Variants in EYS observed in about 807,000 individuals in gnomAD.
EYS encodes EGF-like photoreceptor maintenance factor.
A neutral mutation model predicts 282.1 loss-of-function variants in EYS; 250 were observed. That is an observed-to-expected ratio of 0.89 (90% CI 0.80 to 0.98). EYS has a LOEUF of 0.98. Ranked by LOEUF, EYS falls within the 50% of genes least tolerant of loss-of-function variation. The pLI is 0.00. For synonymous variants in EYS, 1,355 were observed against 1,282.9 expected, an observed-to-expected ratio of 1.06 and a Z score of -1.20; for missense variants, 4,016 against 3,709.0, an observed-to-expected ratio of 1.08 and a Z score of -2.15.
At chr6:64,850,077 G>T (rs574440871) in intron 19 of EYS, among the ~76,000 whole-genome samples, 1 of 151,896 alleles carries the variant, frequency 6.6e-6, no homozygotes, top group Non-Finnish European at 1.5e-5. Flanking sequence ...AAAAAATTGA[G>T]ATTAATTATA....
chr6:65,249,964 A>T (rs1767279671), intron 12 of EYS, among the ~76,000 whole-genome samples: 1 of 152,076 alleles, frequency 6.6e-6, no homozygotes, highest in South Asian at 2.1e-4. Flanking sequence ...ATACCAGAAG[A>T]TTGTGCAGAA....
chr6:64,178,255 C>A (rs1293347221), intron 31 of EYS, among the ~76,000 whole-genome samples: 1 of 151,966 alleles, frequency 6.6e-6, no homozygotes, highest in African/African-American at 2.4e-5. Flanking sequence ...AAAATAAAAA[C>A]AAAATTAGGG....
intron 33 of EYS, among the ~76,000 whole-genome samples, chr6:64,039,621 CT>C (rs1770288991): frequency 6.6e-6 from 1 of 151,834 alleles, no homozygotes; most frequent in South Asian, 2.1e-4. Context: ...GTGCTGCAGT[CT>C]TAAAATTTAT....
intron 12 of EYS, among the ~76,000 whole-genome samples, chr6:65,165,777 A>C (rs1413304976): frequency 6.6e-6 from 1 of 151,170 alleles, no homozygotes; most frequent in Non-Finnish European, 1.5e-5. Context: ...AAGGGACATT[A>C]AAACTATCTC....
chr6:64,218,775 C>A (rs558329767), intron 31 of EYS, among the ~76,000 whole-genome samples: 1 of 152,184 alleles, frequency 6.6e-6, no homozygotes, highest in East Asian at 1.9e-4. Flanking sequence ...GAGTAGCCGG[C>A]AAAGTTATTG....
chr6:64,662,918 T>C (rs1229523209), intron 22 of EYS, among the ~76,000 whole-genome samples: 1 of 152,176 alleles, frequency 6.6e-6, no homozygotes, highest in Non-Finnish European at 1.5e-5. Context: ...ATTACTGCTC[T>C]AGACCTTTTC....
chr6:65,186,480 T>G (rs1487955473), intron 12 of EYS, among the ~76,000 whole-genome samples: 1 of 151,716 alleles, frequency 6.6e-6, no homozygotes, highest in African/African-American at 2.4e-5. Flanking sequence ...AACTACATAT[T>G]TGTCACTAAG....
intron 41 of EYS, among the ~76,000 whole-genome samples, chr6:63,730,574 C>T (rs1038699297): frequency 2.6e-5 from 4 of 152,210 alleles, no homozygotes; most frequent in Non-Finnish European, 1.5e-5. Flanking sequence ...GAACAATCTA[C>T]ATGGAAATAT....
chr6:63,890,167 C>G (rs570763177), intron 35 of EYS, among the ~76,000 whole-genome samples: 1 of 151,890 alleles, frequency 6.6e-6, no homozygotes, highest in South Asian at 2.1e-4. Context: ...TAATAGCCCA[C>G]TGTCAATATT....
intron 12 of EYS, among the ~76,000 whole-genome samples, chr6:65,082,515 G>C (rs1347196420): frequency 1.3e-5 from 2 of 152,020 alleles, no homozygotes; most frequent in African/African-American, 2.4e-5. Flanking sequence ...TCAGGTTGCT[G>C]TTTTAGCAAA....
At chr6:64,749,064 T>C (rs1335639780) in intron 22 of EYS, among the ~76,000 whole-genome samples, 1 of 152,232 alleles carries the variant, frequency 6.6e-6, no homozygotes, top group Non-Finnish European at 1.5e-5. Flanking sequence ...TGAGCCACCA[T>C]GCCTGGCCTA....
chr6:64,080,533 T>G (rs546092343), intron 32 of EYS, among the ~76,000 whole-genome samples: 3 of 152,310 alleles, frequency 2.0e-5, no homozygotes, highest in East Asian at 3.9e-4. Flanking sequence ...GGTAGTTTCT[T>G]TTGCTGTGCA....
intron 30 of EYS, among the ~76,000 whole-genome samples, chr6:64,274,486 T>TTTTTTTGTTTG (rs1554224751): frequency 6.9e-6 from 1 of 145,952 alleles, no homozygotes; most frequent in African/African-American, 2.7e-5. Context: ...TGGCCGTTTT[T>TTTTTTTGTTTG]TTTTTTTTTT....
At chr6:64,652,236 T>C (rs1326784804) in intron 22 of EYS, among the ~76,000 whole-genome samples, 1 of 152,180 alleles carries the variant, frequency 6.6e-6, no homozygotes, top group Admixed American at 6.5e-5. Flanking sequence ...CACTTTGTGA[T>C]CAAGTTTTAT....
At chr6:64,299,426 C>A (rs958970218) in intron 30 of EYS, among the ~76,000 whole-genome samples, 1 of 152,210 alleles carries the variant, frequency 6.6e-6, no homozygotes, top group Non-Finnish European at 1.5e-5. Context: ...GTACATTATT[C>A]ATCCATTGTG....
intron 31 of EYS, among the ~76,000 whole-genome samples, chr6:64,129,573 T>C (rs1773898745): frequency 6.6e-6 from 1 of 152,224 alleles, no homozygotes; most frequent in Non-Finnish European, 1.5e-5. Flanking sequence ...TCTCCCATTC[T>C]GTAGGTTGCC....
At chr6:63,775,952 ATAGT>A (rs1285656369) in intron 40 of EYS, among the ~76,000 whole-genome samples, 3 of 152,186 alleles carry the variant, frequency 2.0e-5, no homozygotes, top group Non-Finnish European at 4.4e-5. Context: ...GTATATCTTC[ATAGT>A]TAGTAATTAT....
chr6:64,587,361 A>T (rs1299732217), intron 26 of EYS, among the ~76,000 whole-genome samples: 1 of 152,090 alleles, frequency 6.6e-6, no homozygotes, highest in Non-Finnish European at 1.5e-5. Flanking sequence ...CATCATTTAC[A>T]CATTTGTTCT....
chr6:65,326,309 T>C (rs1474669503), intron 11 of EYS, among the ~76,000 whole-genome samples: 2 of 151,880 alleles, frequency 1.3e-5, no homozygotes, highest in African/African-American at 4.8e-5. Flanking sequence ...ATTTATTTCA[T>C]AAATGAATTA....
Sources: allele counts gnomAD v4.1 joint callset (sites outside exome capture counted in the v4.1 genomes callset), GRCh38; gene constraint gnomAD v4.1.1; transcripts MANE v1.5; gene names NCBI Gene and HGNC (gene_info 2026-07-23, HGNC 2026-07-21).